ZEB1: variants seen among roughly 807,000 people sequenced by gnomAD.
ZEB1 encodes zinc finger E-box-binding homeobox 1.
Under a neutral mutation model 84.9 loss-of-function variants are expected in ZEB1, and 21 were observed. That is an observed-to-expected ratio of 0.25 (90% CI 0.18 to 0.36). The LOEUF is 0.36. Ranked by LOEUF, ZEB1 falls within the 10% of genes least tolerant of loss-of-function variation. The pLI is 1.00. For synonymous variants in ZEB1, 420 were observed against 471.1 expected (o/e 0.89, Z 1.41); for missense variants, 1,104 against 1,330.2 (o/e 0.83, Z 2.65).
chr10:31,350,569 G>C (rs973418155), intron 1 of ZEB1, among the ~76,000 whole-genome samples: 1 of 152,084 alleles, frequency 6.6e-6, no homozygotes, highest in Admixed American at 6.5e-5. Context: ...AGGTTTTCTT[G>C]AACTAGTTTA....
At chr10:31,333,696 C>A (rs1216848617) in intron 1 of ZEB1, among the ~76,000 whole-genome samples, 1 of 151,840 alleles carries the variant, frequency 6.6e-6, no homozygotes, top group Non-Finnish European at 1.5e-5. Flanking sequence ...TACATAGCAG[C>A]AATAAGTGCA....
intron 1 of ZEB1, among the ~76,000 whole-genome samples, chr10:31,440,794 C>T (rs938702738): frequency 1.6e-4 from 25 of 152,246 alleles, no homozygotes; most frequent in Admixed American, 9.2e-4. Context: ...CATGAGTGAA[C>T]CCCCATTCAC....
intron 1 of ZEB1, among the ~76,000 whole-genome samples, chr10:31,395,412 G>C (rs2050535088): frequency 1.3e-5 from 2 of 152,124 alleles, no homozygotes; most frequent in Non-Finnish European, 2.9e-5. Flanking sequence ...AAAGGCATTG[G>C]TGAAATGCCT....
Position 31,527,494 on chromosome 10 carries a change from T to G in ZEB1, c.*230T>G. On this transcript the variant is annotated 3_prime_UTR_variant, in exon 9 of 9. Transcript: ENST00000424869. ...TGCCTGAACCTCAGACCTAGTAATT[T>G]TTCATGCAGTTTTCAAAGTTAGGAA... 5.4e-6 allele frequency: 3 copies of G among 556,908 alleles called. No individual in the cohort carries two copies. Among genetic ancestry groups the G allele is most frequent in the Non-Finnish European group, 9.2e-6 (3 of 326,970 alleles). The allele number at this position is 556,908 out of a possible 1,614,324, so 34.5% of individuals were successfully genotyped here.
chr10:31,459,176 T>A (rs981036452), intron 1 of ZEB1, among the ~76,000 whole-genome samples: 5 of 152,082 alleles, frequency 3.3e-5, no homozygotes, highest in African/African-American at 1.2e-4. Context: ...GTCAAAACAT[T>A]GTAAATCAAG....
chr10:31,382,864 G>A lies in ZEB1; in HGVS notation c.58+63572G>A, dbSNP rs74595567. Reference sequence around the variant, plus strand: ...TAATACATAAGTGAGAAATGAATATGACAGATTAAGAATATGAAAGTAAAG... The same window carrying A: ...TAATACATAAGTGAGAAATGAATATAACAGATTAAGAATATGAAAGTAAAG... On this transcript the variant is annotated intron_variant, in intron 1 of 8. Coordinates refer to ENST00000424869, the MANE Select transcript of ZEB1 (RefSeq NM_001174096.2). 5.7e-3 allele frequency among the ~76,000 whole-genome samples: 871 copies of A among 151,984 alleles called. 7 individuals carry two copies. The highest frequency in any genetic ancestry group is 0.02 in the African/African-American group (838 of 41,494).
chr10:31,363,864 A>G, intron 1 of ZEB1: 1 of 1,313,396 alleles, frequency 7.6e-7, no homozygotes, highest in African/African-American at 1.5e-5. Flanking sequence ...AAGGCCCAAG[A>G]TGTCGCTGAC....
chr10:31,430,794 A>G (rs1444138482), intron 1 of ZEB1, among the ~76,000 whole-genome samples: 1 of 152,226 alleles, frequency 6.6e-6, no homozygotes, highest in Non-Finnish European at 1.5e-5. Context: ...ATTGTTTAGA[A>G]TGAACTTACA....
At chr10:31,367,722 T>C (rs1336412830) in intron 1 of ZEB1, among the ~76,000 whole-genome samples, 1 of 152,160 alleles carries the variant, frequency 6.6e-6, no homozygotes, top group East Asian at 1.9e-4. Context: ...GTGAATGATA[T>C]GAATGTAAAC....
intron 2 of ZEB1, among the ~76,000 whole-genome samples, chr10:31,490,505 T>G (rs897737519): frequency 1.3e-5 from 2 of 151,806 alleles, no homozygotes; most frequent in East Asian, 1.9e-4. Flanking sequence ...TTGGTTACTG[T>G]ATGTTTAGTT....
At chr10:31,345,727 G>A in intron 1 of ZEB1, among the ~76,000 whole-genome samples, 1 of 152,104 alleles carries the variant, frequency 6.6e-6, no homozygotes. Context: ...AGATCATCTT[G>A]TTAAAAGGGA....
intron 1 of ZEB1, among the ~76,000 whole-genome samples, chr10:31,396,524 C>T (rs2050756158): frequency 6.6e-6 from 1 of 152,136 alleles, no homozygotes. Flanking sequence ...AGGGTAACAT[C>T]TCATGAGAAC....
At chr10:31,434,668 A>C (rs2058088466) in intron 1 of ZEB1, among the ~76,000 whole-genome samples, 1 of 152,210 alleles carries the variant, frequency 6.6e-6, no homozygotes. Context: ...ACACATGATC[A>C]GAACACTGAA....
At chr10:31,452,736 TGTGTGTGAGAGA>T (rs1265988204) in intron 1 of ZEB1, among the ~76,000 whole-genome samples, 6 of 112,960 alleles carry the variant, frequency 5.3e-5, no homozygotes, top group South Asian at 2.8e-4. Flanking sequence ...TGTGTGTGTG[TGTGTGTGAGAGA>T]GAGAGAGAGA....
intron 1 of ZEB1, among the ~76,000 whole-genome samples, chr10:31,397,863 T>A (rs1029736229): frequency 6.6e-6 from 1 of 152,160 alleles, no homozygotes; most frequent in East Asian, 1.9e-4. Flanking sequence ...TAAGTTCTCC[T>A]AGATGCATGT....
chr10:31,358,381 G>A (rs2134012995), intron 1 of ZEB1: 1 of 152,228 alleles, frequency 6.6e-6, no homozygotes, highest in East Asian at 1.9e-4. Context: ...TGACTCCTGT[G>A]TTTCAAGCAC....
chr10:31,319,947 C>G lies in ZEB1; in HGVS notation c.58+655C>G, dbSNP rs1284424489. On this transcript the variant is annotated intron_variant, in intron 1 of 8. Transcript: ENST00000424869. ...GCGGGTTGCGTGGGGTTTGTGCGCG[C>G]GTGTGCGCGGGCGCCGGCTGTGCGC... The G allele has an allele frequency of 1.0e-4, 15 of 148,088 alleles. 2 individuals are homozygous for G. In the South Asian group the frequency reaches 2.5e-3, roughly 25 times the overall value. The allele number at this position is 148,088 out of a possible 1,614,324, so 9.2% of individuals were successfully genotyped here.
At chr10:31,409,512 A>C (rs1437085937) in intron 1 of ZEB1, among the ~76,000 whole-genome samples, 1 of 150,194 alleles carries the variant, frequency 6.7e-6, no homozygotes, top group Non-Finnish European at 1.5e-5. Context: ...TTGGTTCCGT[A>C]TGAAGTTTAA....
intron 8 of ZEB1, among the ~76,000 whole-genome samples, chr10:31,526,066 C>T (rs982048639): frequency 1.3e-5 from 2 of 152,170 alleles, no homozygotes; most frequent in East Asian, 1.9e-4. Flanking sequence ...GTAGCCCATG[C>T]GTTCTCAGGA....
Sources: allele counts gnomAD v4.1 joint callset (sites outside exome capture counted in the v4.1 genomes callset), GRCh38; gene constraint gnomAD v4.1.1; transcripts MANE v1.5; gene names NCBI Gene and HGNC (gene_info 2026-07-23, HGNC 2026-07-21).